The following PTPN22 variants were observed in gnomAD, a reference collection of about 807,000 sequenced individuals.
PTPN22 encodes tyrosine-protein phosphatase non-receptor type 22.
Under a neutral mutation model 103.3 loss-of-function variants are expected in PTPN22, and 85 were observed. The observed-to-expected ratio is 0.82, with a 90% CI of 0.69 to 0.99. The LOEUF is 0.99. Among genes scored for constraint, PTPN22 ranks in the 50% least tolerant of loss-of-function variants. The pLI, the probability that PTPN22 is intolerant of heterozygous loss-of-function variation, is 0.00. For missense variants in PTPN22, 865 were observed against 936.9 expected (o/e 0.92, Z 1.00); for synonymous variants, 323 against 310.2 (o/e 1.04, Z -0.43).
At chr1:113,822,813 A>G (rs961157798) in intron 19 of PTPN22, among the ~76,000 whole-genome samples, 1 of 152,134 alleles carries the variant, frequency 6.6e-6, no homozygotes, top group African/African-American at 2.4e-5. Context: ...TACAAAAATT[A>G]GCTGGGCATA....
At chr1:113,866,514 C>T (rs187683104) in intron 1 of PTPN22, among the ~76,000 whole-genome samples, 24 of 150,828 alleles carry the variant, frequency 1.6e-4, no homozygotes, top group East Asian at 1.4e-3. Context: ...CATCTCAAAA[C>T]AACAACAACA....
intron 19 of PTPN22, among the ~76,000 whole-genome samples, chr1:113,822,126 G>A (rs556320315): frequency 4.6e-5 from 7 of 152,212 alleles, no homozygotes; most frequent in Non-Finnish European, 8.8e-5. Context: ...TTTAGGTTCT[G>A]ATTACATCAT....
chr1:113,856,872 A>G (rs976577200), intron 5 of PTPN22: 15 of 445,430 alleles, frequency 3.4e-5, no homozygotes, highest in Non-Finnish European at 5.6e-5. Flanking sequence ...TTAGTATTTC[A>G]CAAGAACTAA....
At chr1:113,868,772 G>C (rs541478277) in intron 1 of PTPN22, among the ~76,000 whole-genome samples, 9 of 152,072 alleles carry the variant, frequency 5.9e-5, no homozygotes, top group African/African-American at 2.2e-4. Flanking sequence ...ATGGGTCTTC[G>C]GGGGTCTGAC....
intron 11 of PTPN22, among the ~76,000 whole-genome samples, chr1:113,841,596 CTTTT>C (rs35197593): frequency 1.2e-4 from 16 of 138,544 alleles, no homozygotes; most frequent in Admixed American, 1.4e-4. Flanking sequence ...GTAAACAACT[CTTTT>C]TTTTTTTTTT....
At chr1:113,854,559 GC>G (rs749560200) in intron 8 of PTPN22, 22 bp from the exon 9 acceptor site, 1 of 1,585,632 alleles carries the variant, frequency 6.3e-7, no homozygotes, top group Non-Finnish European at 8.7e-7. Flanking sequence ...GATCACAGTA[GC>G]ATGTATGCAT....
chr1:113,848,872 A>T (rs1664321606), intron 10 of PTPN22, among the ~76,000 whole-genome samples: 1 of 152,196 alleles, frequency 6.6e-6, no homozygotes, highest in African/African-American at 2.4e-5. Flanking sequence ...ATGTACAGGA[A>T]TCTTATGACT....
chr1:113,865,726 A>G (rs1571481143), intron 1 of PTPN22, among the ~76,000 whole-genome samples: 1 of 152,236 alleles, frequency 6.6e-6, no homozygotes, highest in Non-Finnish European at 1.5e-5. Context: ...AAAAGAAGGG[A>G]AAAACCACAT....
chr1:113,849,612 C>T (rs913095264), intron 10 of PTPN22, among the ~76,000 whole-genome samples: 8 of 148,218 alleles, frequency 5.4e-5, no homozygotes, highest in African/African-American at 2.0e-4. Flanking sequence ...TTTTGAGACA[C>T]GGTCTCACCG....
chr1:113,864,401 A>G (rs763892295), intron 1 of PTPN22: 25 of 221,086 alleles, frequency 1.1e-4, no homozygotes, highest in African/African-American at 2.1e-4. Context: ...AGAAAAAAAA[A>G]AAAAGAAAGA....
chr1:113,861,723 G>T (rs1368257681), intron 1 of PTPN22, among the ~76,000 whole-genome samples: 2 of 152,010 alleles, frequency 1.3e-5, no homozygotes, highest in Non-Finnish European at 2.9e-5. Flanking sequence ...AGACTCCCGG[G>T]CTCCAATATC....
At chr1:113,833,994 A>T (rs933403256) in intron 15 of PTPN22, among the ~76,000 whole-genome samples, 1 of 152,370 alleles carries the variant, frequency 6.6e-6, no homozygotes. Context: ...TTCCTTGATC[A>T]CTTCCAACCT....
intron 19 of PTPN22, among the ~76,000 whole-genome samples, chr1:113,819,986 G>T (rs1206475270): frequency 6.6e-6 from 1 of 151,046 alleles, no homozygotes; most frequent in Admixed American, 6.6e-5. Flanking sequence ...TTTGGCTTTG[G>T]ACTTCATATT....
chr1:113,860,467 T>G (rs1665477358), intron 1 of PTPN22, among the ~76,000 whole-genome samples: 1 of 152,216 alleles, frequency 6.6e-6, no homozygotes, highest in South Asian at 2.1e-4. Context: ...TACTGTAGTT[T>G]GAATTCCTCT....
intron 19 of PTPN22, among the ~76,000 whole-genome samples, chr1:113,822,138 T>G (rs1488605095): frequency 6.6e-6 from 1 of 152,260 alleles, no homozygotes; most frequent in Non-Finnish European, 1.5e-5. Flanking sequence ...TTACATCATT[T>G]GGACCATTGT....
At chr1:113,836,763 A>T (rs1297455459) in intron 13 of PTPN22, among the ~76,000 whole-genome samples, 1 of 140,380 alleles carries the variant, frequency 7.1e-6, no homozygotes, top group African/African-American at 2.6e-5. Flanking sequence ...CCCCATTTCT[A>T]AAAAAAAAAA....
chr1:113,852,756 T>G (rs1467937251), intron 9 of PTPN22, among the ~76,000 whole-genome samples: 5 of 152,186 alleles, frequency 3.3e-5, no homozygotes, highest in African/African-American at 1.2e-4. Context: ...CTCCAAAGAT[T>G]GGAAAACAAA....
At position 113,822,313 on chromosome 1, in the gene PTPN22, G is replaced by A. The variant is rs1045484297; in HGVS notation, c.2282-2659C>T. 7.5e-4 allele frequency among the ~76,000 whole-genome samples: 114 copies of A among 152,122 alleles called. 1 individual carries two copies. Among genetic ancestry groups the A allele is most frequent in the Non-Finnish European group, 1.2e-4 (8 of 68,014 alleles). On this transcript the variant is annotated intron_variant, in intron 19 of 20. Transcript: ENST00000359785. The stretch of plus-strand genomic sequence containing the variant: ...TCTGTATGTAGCAGCCAGTGTGATC[G>A]TTTTATACTTTTCTGTGAAGCATGT...
intron 2 of PTPN22, 68 bp downstream of exon 2, chr1:113,859,284 G>T: frequency 1.3e-6 from 2 of 1,546,528 alleles, no homozygotes; most frequent in Middle Eastern, 2.1e-4. Context: ...GTAAGCAATG[G>T]GTACAAAGAG....
Sources: gnomAD v4.1 joint callset for allele counts (sites outside exome capture counted in the v4.1 genomes callset) on GRCh38, gnomAD v4.1.1 for gene constraint, MANE v1.5 for transcripts, NCBI Gene and HGNC (gene_info 2026-07-23, HGNC 2026-07-21) for gene names.